The following CYP4F3 variants were observed in gnomAD, a reference collection of about 807,000 sequenced individuals.
CYP4F3 encodes cytochrome P450 4F3.
In CYP4F3, 50 loss-of-function variants were observed where a neutral mutation model predicts 54.8. The observed-to-expected ratio is 0.91, with a 90% confidence interval of 0.73 to 1.16. The LOEUF (loss-of-function observed/expected upper bound fraction) is 1.16. Ranked by LOEUF, CYP4F3 falls within the 50% of genes most tolerant of loss-of-function variation. The pLI is 0.00. For synonymous variants in CYP4F3, 244 were observed against 262.6 expected, an observed-to-expected ratio of 0.93 and a Z score of 0.69; for missense variants, 715 against 676.2, an observed-to-expected ratio of 1.06 and a Z score of -0.64.
intron 12 of CYP4F3, 118 bp from the exon 13 acceptor site, chr19:15,659,102 C>A: frequency 7.1e-7 from 1 of 1,401,428 alleles, no homozygotes; most frequent in Non-Finnish European, 9.6e-7. Flanking sequence ...CGGATACCCC[C>A]TTCTCTGTTC....
Position 15,659,242 on chromosome 19 carries a change from G to T in CYP4F3, c.1420G>T (p.Ala474Ser), listed in dbSNP as rs118159249. 1 of 1,611,234 alleles carries T rather than the reference G, an allele frequency of 6.2e-7. No individual in the cohort carries two copies. Among genetic ancestry groups the T allele is most frequent in the Non-Finnish European group, 8.5e-7 (1 of 1,179,362 alleles). ...AAGGAACTGCATCGGGCAGGCGTTC[G>T]CGATGGCGGAGATGAAGGTGGTCCT... ...GPRNCIGQAF[A>S]MAEMKVVLGL... Residue 474 changes from alanine (A) to serine (S), a missense_variant, in exon 13 of 13, where the codon GCG (alanine) becomes TCG (serine). Physicochemically the swap from Ala to Ser is moderately conservative, Grantham distance 99. Transcript: ENST00000221307.
At chr19:15,650,736 CT>C (rs1442177646) in intron 7 of CYP4F3, among the ~76,000 whole-genome samples, 3 of 84,172 alleles carry the variant, frequency 3.6e-5, no homozygotes, top group Admixed American at 1.4e-4. Flanking sequence ...TTCTTTCTTT[CT>C]TTTCCTTCCT....
intron 9 of CYP4F3, among the ~76,000 whole-genome samples, chr19:15,657,683 G>A (rs1973063418): frequency 6.6e-6 from 1 of 151,936 alleles, no homozygotes; most frequent in South Asian, 2.1e-4. Flanking sequence ...TTAAATCTTG[G>A]CCAATTTTCA....
chr19:15,646,981 A>G, intron 3 of CYP4F3, 71 bp from the exon 4 acceptor site: 1 of 1,594,404 alleles, frequency 6.3e-7, no homozygotes, highest in Admixed American at 1.7e-5. Flanking sequence ...TCTTGCTGGG[A>G]GCCTCCCCCC....
chr19:15,651,436 C>T (rs543442514), intron 7 of CYP4F3, among the ~76,000 whole-genome samples: 2 of 136,454 alleles, frequency 1.5e-5, no homozygotes, highest in South Asian at 2.6e-4. Context: ...GGTGCGATCT[C>T]GGCTTACTGC....
rs199836042 is a variant in CYP4F3 at position 15,649,873 on chromosome 19, G to A, written c.648-40G>A. ...GGGAGGTGATCCTGGGGCTTCAGGT[G>A]TATTAAATTGTTGCCTCCCTTTCTG... On this transcript the variant is annotated intron_variant, in intron 6 of 12. Coordinates refer to ENST00000221307, the MANE Select transcript of CYP4F3 (RefSeq NM_000896.3). The A allele has an allele frequency of 1.9e-5, 30 of 1,605,112 alleles. 1 individual carries two copies. In the East Asian group the frequency reaches 2.5e-4, roughly 13 times the overall value.
chr19:15,661,299 AAAAACAAAAC>A lies in CYP4F3; in HGVS notation c.*1931_*1940del. On this transcript the variant is annotated 3_prime_UTR_variant, in exon 13 of 13. Coordinates refer to ENST00000221307, the MANE Select transcript of CYP4F3 (RefSeq NM_000896.3). ...AAAACAAAACAAAACAAAACAAAAC[AAAAACAAAAC>A]AAAACAAAACAAAACACTGCCAAAC... is the stretch of plus-strand genomic sequence containing the variant. The A allele has an allele frequency of 1.3e-5, 1 of 74,302 alleles. No homozygotes were observed. The highest frequency in any genetic ancestry group is 5.0e-4 in the East Asian group (1 of 1,986). 4.6% of individuals were successfully genotyped at this position (74,302 alleles called of 1,614,324 possible).
At position 15,645,749 on chromosome 19, in the gene CYP4F3, A is replaced by G. The variant is rs375216666; in HGVS notation, c.229A>G (p.Thr77Ala). 1.2e-6 allele frequency: 2 copies of G among 1,613,744 alleles called. No homozygotes were observed. The highest frequency in any genetic ancestry group is 2.7e-5 in the African/African-American group (2 of 74,926). ...IHSSEEGLLYTQSLACTFGDM... is the reference protein window; with the variant it reads ...IHSSEEGLLYAQSLACTFGDM... Reference sequence around the variant, plus strand: ...CAGCTCGGAGGAAGGTCTCCTATACACACAAAGCCTGGCATGCACCTTCGG... The same window carrying G: ...CAGCTCGGAGGAAGGTCTCCTATACGCACAAAGCCTGGCATGCACCTTCGG... The change falls in exon 3 of 13, where the codon ACA becomes GCA. Residue 77 changes from threonine to alanine, a missense_variant. By Grantham distance (58) the Thr-to-Ala change is moderately conservative (BLOSUM62 0). Transcript: ENST00000221307.
In CYP4F3 at chr19:15,652,816, C is replaced by A. The variant is rs772515507; in HGVS notation, c.986-7C>A. 9 of 1,609,042 alleles carry A rather than the reference C, an allele frequency of 5.6e-6. No homozygotes were observed. The highest frequency in any genetic ancestry group is 7.6e-6 in the Non-Finnish European group (9 of 1,177,496). On this transcript the variant is annotated splice_region_variant and splice_polypyrimidine_tract_variant and intron_variant, in intron 8 of 12. Coordinates refer to ENST00000221307, the MANE Select transcript of CYP4F3 (RefSeq NM_000896.3). ...CAGAGACCCAAGCCTGCCTTGCTGCCCCCCAGGCCATGACACCACAGCCAG... is the reference window on the plus strand; with the variant it reads ...CAGAGACCCAAGCCTGCCTTGCTGCACCCCAGGCCATGACACCACAGCCAG...
At position 15,650,157 on chromosome 19, in the gene CYP4F3, T is replaced by C; in HGVS notation, c.892T>C (p.Phe298Leu). Reference sequence around the variant, plus strand: ...CAAGGCCAAATCCAAGACTTTGGACTTCATTGATGTACTCCTGCTGAGCAA... The same window carrying C: ...CAAGGCCAAATCCAAGACTTTGGACCTCATTGATGTACTCCTGCTGAGCAA... ...QAKAKSKTLD[F>L]IDVLLLSKDE... is the part of the protein sequence containing the mutation. The change falls in exon 7 of 13, where the codon TTC becomes CTC. Residue 298 changes from phenylalanine to leucine, a missense_variant. Coordinates refer to ENST00000221307, the MANE Select transcript of CYP4F3 (RefSeq NM_000896.3). 2 of 1,614,164 alleles carry C rather than the reference T, an allele frequency of 1.2e-6. No individual in the cohort carries two copies. Among genetic ancestry groups the C allele is most frequent in the South Asian group, 2.2e-5 (2 of 91,082 alleles).
intron 9 of CYP4F3, among the ~76,000 whole-genome samples, chr19:15,653,427 C>A (rs950478005): frequency 6.6e-6 from 1 of 152,158 alleles, no homozygotes; most frequent in Non-Finnish European, 1.5e-5. Flanking sequence ...CAAATACTCT[C>A]ATACTGCATT....
At chr19:15,650,670 T>TTCTTTCTTTCTC (rs1972775834) in intron 7 of CYP4F3, among the ~76,000 whole-genome samples, 1 of 40,162 alleles carries the variant, frequency 2.5e-5, no homozygotes, top group African/African-American at 1.6e-4. Context: ...TTTTCTTTCT[T>TTCTTTCTTTCTC]TCTTTCTTTC....
chr19:15,642,438 A>G (rs1248401973), intron 2 of CYP4F3, among the ~76,000 whole-genome samples: 1 of 152,182 alleles, frequency 6.6e-6, no homozygotes, highest in Non-Finnish European at 1.5e-5. Flanking sequence ...AACCTTCTCC[A>G]TGGGAGGAAC....
intron 9 of CYP4F3, among the ~76,000 whole-genome samples, chr19:15,655,636 T>G (rs1191900545): frequency 6.6e-6 from 1 of 152,262 alleles, no homozygotes; most frequent in Admixed American, 6.5e-5. Context: ...GAACTCACAC[T>G]GTGACTTTTA....
rs1972746482 is a variant in CYP4F3 at position 15,650,067 on chromosome 19, G to C, written c.802G>C (p.Asp268His). Residue 268 changes from aspartate (D) to histidine (H), a missense_variant, in exon 7 of 13, where the codon GAT becomes CAT. Transcript: ENST00000221307. ...CTGCCGCCTGGTGCACGACTTCACA[G>C]ATGCCGTCATCCAGGAGCGGCGCCG... ...RACRLVHDFTDAVIQERRRTL... is the reference protein window; with the variant it reads ...RACRLVHDFTHAVIQERRRTL... The C allele has an allele frequency of 1.9e-6, 3 of 1,614,120 alleles. No individual in the cohort carries two copies.
rs967842174 is a variant in CYP4F3 at position 15,658,791 on chromosome 19, C to T, written c.1379C>T (p.Pro460Leu). 5.0e-6 allele frequency: 8 copies of T among 1,614,126 alleles called. No individual in the cohort carries two copies. The Admixed American group carries it at 1.3e-4, about 27-fold the overall frequency. The change falls in exon 12 of 13, where the codon CCC becomes CTC. Residue 460 changes from proline (P) to leucine (L), a missense_variant. Transcript: ENST00000221307. ...GAGAGGTCACCTCTGGCTTTTATTCCCTTCTCAGCAGGGCCCAGGTAAGAG... is the reference window on the plus strand; with the variant it reads ...GAGAGGTCACCTCTGGCTTTTATTCTCTTCTCAGCAGGGCCCAGGTAAGAG... ...IKERSPLAFI[P>L]FSAGPRNCIG...
chr19:15,650,099 C>T lies in CYP4F3; in HGVS notation c.834C>T (p.Leu278=), dbSNP rs925271816. The T allele has an allele frequency of 6.2e-7, 1 of 1,614,198 alleles. No homozygotes were observed. The highest frequency in any genetic ancestry group is 8.5e-7 in the Non-Finnish European group (1 of 1,180,052). ...DAVIQERRRT[L]PSQGVDDFLQ... ...TCATCCAGGAGCGGCGCCGCACCCTCCCTAGCCAGGGTGTTGATGACTTCC... is the reference window on the plus strand; with the variant it reads ...TCATCCAGGAGCGGCGCCGCACCCTTCCTAGCCAGGGTGTTGATGACTTCC... The change falls in exon 7 of 13, where the codon CTC becomes CTT. Residue 278 remains leucine, a synonymous_variant. Coordinates refer to ENST00000221307, the MANE Select transcript of CYP4F3 (RefSeq NM_000896.3).
chr19:15,644,529 G>A (rs145586542), intron 2 of CYP4F3, among the ~76,000 whole-genome samples: 97 of 152,340 alleles, frequency 6.4e-4, no homozygotes, highest in African/African-American at 2.1e-3. Context: ...ATTGGGCATC[G>A]TTAGTGTTCA....
intron 8 of CYP4F3, 56 bp downstream of exon 8, chr19:15,652,691 C>T (rs1223771319): frequency 6.2e-7 from 1 of 1,613,276 alleles, no homozygotes; most frequent in African/African-American, 1.3e-5. Context: ...ATTCCAGGAA[C>T]AGGGTGGGTG....
Sources: gnomAD v4.1 joint callset for allele counts (sites outside exome capture counted in the v4.1 genomes callset) on GRCh38, gnomAD v4.1.1 for gene constraint, MANE v1.5 for transcripts, NCBI Gene and HGNC (gene_info 2026-07-23, HGNC 2026-07-21) for gene names.